FAM117B: variants seen among roughly 807,000 people sequenced by gnomAD.
FAM117B encodes the protein family with sequence similarity 117 member B.
FAM117B carries 22 observed loss-of-function variants against 52.8 expected under a neutral mutation model. The ratio of observed to expected loss-of-function variants is 0.42; its 90% CI spans 0.30 to 0.59. The LOEUF (loss-of-function observed/expected upper bound fraction) is 0.59, where lower values mean the gene tolerates loss of function less well. Among genes scored for constraint, FAM117B ranks in the 20% least tolerant of loss-of-function variants. The pLI, the probability that FAM117B is intolerant of heterozygous loss-of-function variation, is 0.22. For missense variants in FAM117B, 678 were observed against 802.6 expected (o/e 0.84, Z 1.88); for synonymous variants, 309 against 324.1 (o/e 0.95, Z 0.50).
At chr2:202,721,495 G>A (rs1272514563) in intron 2 of FAM117B, among the ~76,000 whole-genome samples, 2 of 151,802 alleles carry the variant, frequency 1.3e-5, no homozygotes, top group Admixed American at 6.6e-5. Context: ...AATAAGTTAC[G>A]ACTACTTGGC....
intron 1 of FAM117B, among the ~76,000 whole-genome samples, chr2:202,636,334 T>C (rs1380112642): frequency 6.6e-6 from 1 of 152,244 alleles, no homozygotes; most frequent in South Asian, 2.1e-4. Flanking sequence ...TTCCTAAGAC[T>C]TGATAAATGG....
At chr2:202,741,563 G>A (rs1303513808) in intron 4 of FAM117B, among the ~76,000 whole-genome samples, 4 of 146,246 alleles carry the variant, frequency 2.7e-5, no homozygotes, top group Admixed American at 2.0e-4. Flanking sequence ...TTGAGACGGA[G>A]TCTTGCTCTG....
intron 2 of FAM117B, among the ~76,000 whole-genome samples, chr2:202,721,624 A>G (rs1691154349): frequency 1.3e-5 from 2 of 152,074 alleles, no homozygotes; most frequent in African/African-American, 2.4e-5. Flanking sequence ...TAATTTTAGT[A>G]TGTAGATGAC....
Position 202,726,385 on chromosome 2 carries a change from A to C in FAM117B, c.960+22A>C, listed in dbSNP as rs377076495. 15 of 1,528,324 alleles carry C rather than the reference A, an allele frequency of 9.8e-6. No individual in the cohort carries two copies. The African/African-American group carries it at 1.9e-4, about 20-fold the overall frequency. The allele number at this position is 1,528,324 out of a possible 1,614,324, so 94.7% of individuals were successfully genotyped here. Reference sequence around the variant, plus strand: ...TCAGGTAAGAGTACCAATACCACAAAATCCAGAAAAGGAATTTGTTGTTTT... The same window carrying C: ...TCAGGTAAGAGTACCAATACCACAACATCCAGAAAAGGAATTTGTTGTTTT... On this transcript the variant is annotated intron_variant, in intron 4 of 7. Coordinates refer to ENST00000392238, the MANE Select transcript of FAM117B (RefSeq NM_173511.4).
At chr2:202,714,534 T>A (rs12986828) in intron 2 of FAM117B, among the ~76,000 whole-genome samples, 1 of 80,780 alleles carries the variant, frequency 1.2e-5, no homozygotes, top group East Asian at 2.3e-4. Flanking sequence ...TTTTTTTTTC[T>A]TTTTTTTTTT....
At chr2:202,729,684 C>G (rs1691309469) in intron 4 of FAM117B, among the ~76,000 whole-genome samples, 1 of 151,992 alleles carries the variant, frequency 6.6e-6, no homozygotes, top group Non-Finnish European at 1.5e-5. Context: ...ATGGAGTCAT[C>G]TAGAAAGACG....
intron 7 of FAM117B, among the ~76,000 whole-genome samples, chr2:202,759,823 C>A (rs1323666463): frequency 1.3e-5 from 2 of 152,156 alleles, no homozygotes; most frequent in Non-Finnish European, 2.9e-5. Context: ...TACCAAAGTG[C>A]TGGGATTACA....
At chr2:202,749,834 G>T (rs1691695063) in intron 4 of FAM117B, among the ~76,000 whole-genome samples, 1 of 152,028 alleles carries the variant, frequency 6.6e-6, no homozygotes, top group Non-Finnish European at 1.5e-5. Flanking sequence ...TCTCAGGGCA[G>T]ACTTTTTATG....
chr2:202,760,469 T>G (rs534388167), intron 7 of FAM117B, among the ~76,000 whole-genome samples: 1 of 152,204 alleles, frequency 6.6e-6, no homozygotes, highest in Non-Finnish European at 1.5e-5. Context: ...CTGCCTCCCC[T>G]CTTTGTCTTC....
chr2:202,753,796 G>C (rs918281534), intron 4 of FAM117B, among the ~76,000 whole-genome samples: 2 of 151,240 alleles, frequency 1.3e-5, no homozygotes, highest in Admixed American at 6.6e-5. Flanking sequence ...CTGATCATCA[G>C]AGAAATGCAA....
At chr2:202,707,156 C>T (rs1445709646) in intron 2 of FAM117B, among the ~76,000 whole-genome samples, 1 of 152,068 alleles carries the variant, frequency 6.6e-6, no homozygotes, top group Non-Finnish European at 1.5e-5. Context: ...ATCCTCCCTC[C>T]TTGGCCTCCC....
chr2:202,722,294 G>A (rs1388535124), intron 2 of FAM117B, among the ~76,000 whole-genome samples: 6 of 151,976 alleles, frequency 3.9e-5, no homozygotes, highest in African/African-American at 4.8e-5. Context: ...GAGCCACCAC[G>A]CCTGGCCCAA....
intron 1 of FAM117B, among the ~76,000 whole-genome samples, chr2:202,667,874 G>T (rs1690229177): frequency 1.3e-5 from 2 of 151,762 alleles, no homozygotes; most frequent in Non-Finnish European, 2.9e-5. Context: ...AAAGAGTAGT[G>T]GATTGAGGTT....
chr2:202,738,556 G>A (rs917213814), intron 4 of FAM117B, among the ~76,000 whole-genome samples: 2 of 152,082 alleles, frequency 1.3e-5, no homozygotes, highest in East Asian at 1.9e-4. Context: ...TCAAAGGATA[G>A]GAAACTACTT....
At position 202,705,175 on chromosome 2, in the gene FAM117B, G is replaced by A. The variant is rs192048749; in HGVS notation, c.753+9143G>A. Among the ~76,000 whole-genome samples, 35 of 151,918 alleles carry A rather than the reference G, an allele frequency of 2.3e-4. No homozygotes were observed. The East Asian group carries it at 4.7e-3, about 20-fold the overall frequency. On this transcript the variant is annotated intron_variant, in intron 2 of 7. Transcript: ENST00000392238. The stretch of plus-strand genomic sequence containing the variant: ...TACAAAATTAGCCGAGTGTGGTGGC[G>A]CATGCCTGTAATCCCAGCTACTCGG...
At chr2:202,662,304 A>G (rs975587462) in intron 1 of FAM117B, among the ~76,000 whole-genome samples, 41 of 152,320 alleles carry the variant, frequency 2.7e-4, no homozygotes, top group African/African-American at 9.9e-4. Context: ...CAAACACCAC[A>G]TGATCTCACT....
At chr2:202,657,510 A>G (rs1023736097) in intron 1 of FAM117B, among the ~76,000 whole-genome samples, 1 of 151,894 alleles carries the variant, frequency 6.6e-6, no homozygotes, top group Non-Finnish European at 1.5e-5. Flanking sequence ...TTTTGGAGAC[A>G]GGGTCTTGCT....
chr2:202,711,473 T>A (rs767408655), intron 2 of FAM117B, among the ~76,000 whole-genome samples: 1 of 152,166 alleles, frequency 6.6e-6, no homozygotes, highest in Non-Finnish European at 1.5e-5. Flanking sequence ...AATTTGCAAA[T>A]ATTTTCTCCC....
rs1383001574 is a variant in FAM117B at position 202,768,122 on chromosome 2, C to G, written c.*2358C>G. 2 of 152,146 alleles carry G rather than the reference C, an allele frequency of 1.3e-5. No individual in the cohort carries two copies. Among genetic ancestry groups the G allele is most frequent in the Non-Finnish European group, 2.9e-5 (2 of 68,010 alleles). 9.4% of individuals were successfully genotyped at this position (152,146 alleles called of 1,614,324 possible). ...TCTTGGTTTTTGGATGACTTGAATT[C>G]TGTTAAATCTGTGTTCTTGGCCTTG... is the stretch of plus-strand genomic sequence containing the variant. On this transcript the variant is annotated 3_prime_UTR_variant, in exon 8 of 8. Coordinates refer to ENST00000392238, the MANE Select transcript of FAM117B (RefSeq NM_173511.4).
Sources: allele counts gnomAD v4.1 joint callset (sites outside exome capture counted in the v4.1 genomes callset), GRCh38; gene constraint gnomAD v4.1.1; transcripts MANE v1.5; gene names NCBI Gene and HGNC (gene_info 2026-07-23, HGNC 2026-07-21).